Variants in LSM12 observed in about 807,000 individuals in gnomAD.
LSM12 encodes the protein protein LSM12.
For synonymous variants in LSM12, 74 were observed against 87.3 expected, an observed-to-expected ratio of 0.85 and a Z score of 0.85; for missense variants, 108 against 238.9, an observed-to-expected ratio of 0.45 and a Z score of 3.61.
In LSM12 at chr17:44,037,490, T is replaced by C; in HGVS notation, c.417A>G (p.Glu139=). The part of the protein sequence containing the change: ...WQEKNIVVME[E]VVITPPYQVE... ...CTTGATATGGGGGTGTAATAACAAC[T>C]TCTTCCATGACTACGATGTTTTTTT... Residue 139 remains glutamate, a synonymous_variant, in exon 4 of 5, where the codon GAA becomes GAG. Coordinates refer to ENST00000293406, the MANE Select transcript of LSM12 (RefSeq NM_001371445.1). 6.2e-7 allele frequency: 1 copy of C among 1,611,070 alleles called. No homozygotes were observed. The highest frequency in any genetic ancestry group is 8.5e-7 in the Non-Finnish European group (1 of 1,178,850).
At chr17:44,064,896 G>A (rs949892659) in intron 1 of LSM12, among the ~76,000 whole-genome samples, 1 of 152,182 alleles carries the variant, frequency 6.6e-6, no homozygotes, top group Non-Finnish European at 1.5e-5. Context: ...CACTCTGGGA[G>A]GCCGAGGCGG....
At chr17:44,039,063 G>GT (rs886241556) in intron 3 of LSM12, among the ~76,000 whole-genome samples, 22 of 151,090 alleles carry the variant, frequency 1.5e-4, no homozygotes, top group Middle Eastern at 6.9e-3. Flanking sequence ...GTGACAAAAT[G>GT]TTTTTTTTTG....
At chr17:44,041,289 A>AC (rs1491140036) in intron 2 of LSM12, among the ~76,000 whole-genome samples, 9 of 56,012 alleles carry the variant, frequency 1.6e-4, no homozygotes, top group African/African-American at 6.3e-4. Context: ...AAAAAAAAAC[A>AC]AACACACACA....
At position 44,063,874 on chromosome 17, in the gene LSM12, T is replaced by C; in HGVS notation, c.185A>G (p.Tyr62Cys). Residue 62 changes from tyrosine (Y) to cysteine (C), a missense_variant, in exon 2 of 5, where the codon TAT (tyrosine) becomes TGT (cysteine). Tyr to Cys is a radical substitution (Grantham distance 194, BLOSUM62 -2). Coordinates refer to ENST00000293406, the MANE Select transcript of LSM12 (RefSeq NM_001371445.1). The stretch of plus-strand genomic sequence containing the variant: ...ATTAATTATTTCCACTTCTGAAACA[T>C]ACTGTAAGTTTATGAGCAAGATGTC... Reference protein sequence around the residue: ...HADILLINLQYVSEVEIINDR... With the variant: ...HADILLINLQCVSEVEIINDR... 1.2e-6 allele frequency: 2 copies of C among 1,613,978 alleles called. No individual in the cohort carries two copies.
At chr17:44,048,409 G>C (rs1449574842) in intron 2 of LSM12, among the ~76,000 whole-genome samples, 1 of 151,042 alleles carries the variant, frequency 6.6e-6, no homozygotes, top group African/African-American at 2.4e-5. Context: ...TTGAACCCGG[G>C]AGGCGGAGGT....
At chr17:44,049,065 C>T (rs1251608597) in intron 2 of LSM12, among the ~76,000 whole-genome samples, 1 of 152,174 alleles carries the variant, frequency 6.6e-6, no homozygotes, top group South Asian at 2.1e-4. Flanking sequence ...GTGGTGTGCA[C>T]CTGTAGTCCC....
intron 2 of LSM12, among the ~76,000 whole-genome samples, chr17:44,056,085 C>A (rs1377299059): frequency 6.7e-6 from 1 of 150,252 alleles, no homozygotes; most frequent in African/African-American, 2.5e-5. Flanking sequence ...CTGACCAACA[C>A]AGAGAAACCC....
intron 2 of LSM12, among the ~76,000 whole-genome samples, chr17:44,059,870 T>A (rs2049772101): frequency 6.6e-6 from 1 of 152,084 alleles, no homozygotes; most frequent in Non-Finnish European, 1.5e-5. Context: ...TACCTTTGAC[T>A]AAAGTTAGAG....
chr17:44,041,318 CACACACACACACACAA>C (rs2049489094), intron 2 of LSM12, among the ~76,000 whole-genome samples: 11 of 144,150 alleles, frequency 7.6e-5, no homozygotes, highest in African/African-American at 2.2e-4. Flanking sequence ...CACACACACA[CACACACACACACACAA>C]ACACACACAC....
intron 2 of LSM12, among the ~76,000 whole-genome samples, chr17:44,061,311 C>A (rs1187306189): frequency 4.0e-4 from 29 of 73,004 alleles, no homozygotes; most frequent in African/African-American, 1.4e-3. Flanking sequence ...GAGCGAAACT[C>A]CATCTCAAAA....
chr17:44,062,933 C>T (rs147122132), intron 2 of LSM12, among the ~76,000 whole-genome samples: 1 of 151,768 alleles, frequency 6.6e-6, no homozygotes, highest in Non-Finnish European at 1.5e-5. Flanking sequence ...GGCCAGGCGT[C>T]GTGGCACACA....
At chr17:44,048,443 C>A (rs1342937745) in intron 2 of LSM12, among the ~76,000 whole-genome samples, 1 of 148,496 alleles carries the variant, frequency 6.7e-6, no homozygotes, top group Non-Finnish European at 1.5e-5. Flanking sequence ...GCTTGCACCA[C>A]TGCACTCTAG....
In LSM12 at chr17:44,066,538, CACG is replaced by C; in HGVS notation, c.47_49del (p.Ser16del). On this transcript the variant is annotated inframe_deletion, in exon 1 of 5. Transcript: ENST00000293406. The stretch of plus-strand genomic sequence containing the variant: ...CAGCCGCTGCTCCTGGCACGTCCGG[CACG>C]ACACCTGGCTCCCAACGCTGAAGTA... The C allele has an allele frequency of 6.6e-7, 1 of 1,517,270 alleles. No homozygotes were observed. The highest frequency in any genetic ancestry group is 8.8e-7 in the Non-Finnish European group (1 of 1,133,444). The allele number at this position is 1,517,270 out of a possible 1,614,324, so 94.0% of individuals were successfully genotyped here.
intron 2 of LSM12, among the ~76,000 whole-genome samples, chr17:44,046,735 T>A (rs1597887671): frequency 7.0e-6 from 1 of 143,244 alleles, no homozygotes; most frequent in African/African-American, 2.6e-5. Flanking sequence ...AAAGGAACTG[T>A]CAAACTGTTT....
In LSM12 at chr17:44,049,200, C is replaced by G. The variant is rs1254245015; in HGVS notation, c.259-8944G>C. 7.1e-4 allele frequency among the ~76,000 whole-genome samples: 108 copies of G among 152,142 alleles called. 1 individual carries two copies. Among genetic ancestry groups the G allele is most frequent in the Non-Finnish European group, 5.9e-5 (4 of 67,984 alleles). Reference sequence around the variant, plus strand: ...AGACTCTGTCTTTAAAAAACAACAACAACAACAACAAAAACAAAACGAACA... The same window carrying G: ...AGACTCTGTCTTTAAAAAACAACAAGAACAACAACAAAAACAAAACGAACA... On this transcript the variant is annotated intron_variant, in intron 2 of 4. Transcript: ENST00000293406.
intron 2 of LSM12, among the ~76,000 whole-genome samples, chr17:44,061,607 A>T (rs1395766798): frequency 5.9e-5 from 9 of 152,238 alleles, no homozygotes; most frequent in Non-Finnish European, 1.3e-4. Context: ...GACATTCACT[A>T]GCCTCAGCAT....
chr17:44,041,693 G>A (rs149526861), intron 2 of LSM12, among the ~76,000 whole-genome samples: 4 of 152,204 alleles, frequency 2.6e-5, no homozygotes, highest in African/African-American at 4.8e-5. Context: ...CTACAATCTC[G>A]TAACTTCTAC....
chr17:44,041,321 AC>A (rs2049489251), intron 2 of LSM12, among the ~76,000 whole-genome samples: 1 of 147,096 alleles, frequency 6.8e-6, no homozygotes, highest in African/African-American at 2.6e-5. Flanking sequence ...ACACACACAC[AC>A]ACACACACAC....
chr17:44,054,150 T>C (rs1047356370), intron 2 of LSM12, among the ~76,000 whole-genome samples: 2 of 152,176 alleles, frequency 1.3e-5, no homozygotes, highest in Non-Finnish European at 2.9e-5. Context: ...GGAACTAAAC[T>C]CTTGGCTTAA....
Sources: gnomAD v4.1 joint callset for allele counts (sites outside exome capture counted in the v4.1 genomes callset) on GRCh38, gnomAD v4.1.1 for gene constraint, MANE v1.5 for transcripts, NCBI Gene and HGNC (gene_info 2026-07-23, HGNC 2026-07-21) for gene names.